The following MTERF4 variants were observed in gnomAD, a reference collection of about 807,000 sequenced individuals.
MTERF4 encodes the protein mitochondrial transcription termination factor 4, also known as transcription termination factor 4, mitochondrial.
In MTERF4, 17 loss-of-function variants were observed where a neutral mutation model predicts 22.5. The observed-to-expected ratio is 0.75, with a 90% CI of 0.52 to 1.13. MTERF4 has a LOEUF of 1.13. MTERF4 is among the 50% of genes most tolerant of loss of function. The pLI is 0.00. For missense variants in MTERF4, 420 were observed against 466.8 expected, an observed-to-expected ratio of 0.90 and a Z score of 0.92; for synonymous variants, 165 against 175.3, an observed-to-expected ratio of 0.94 and a Z score of 0.47.
At chr2:241,098,267 C>T (rs375662558) in intron 2 of MTERF4, among the ~76,000 whole-genome samples, 1 of 152,170 alleles carries the variant, frequency 6.6e-6, no homozygotes, top group African/African-American at 2.4e-5. Context: ...TATATTTAGA[C>T]TTTTAGATTA....
chr2:241,071,693 C>A (rs1401534610), downstream of MTERF4: 3 of 1,516,508 alleles, frequency 2.0e-6, no homozygotes, highest in African/African-American at 1.4e-5. Context: ...GACCACAGCG[C>A]CCCCGAGACC....
chr2:241,070,371 C>A (rs1028483749), downstream of MTERF4, among the ~76,000 whole-genome samples: 1 of 152,186 alleles, frequency 6.6e-6, no homozygotes, highest in Admixed American at 6.5e-5. Flanking sequence ...CTTTTCAAAC[C>A]CACAAGGAAA....
At chr2:241,095,276 G>A, downstream of MTERF4, 1 of 152,890 alleles carries the variant, frequency 6.5e-6, no homozygotes. Flanking sequence ...CAGACTACAG[G>A]GCCGGAGACA....
the MTERF4 span, chr2:241,062,691 A>G: frequency 1.3e-6 from 1 of 790,598 alleles, no homozygotes; most frequent in Non-Finnish European, 2.2e-6. Context: ...CTGATGATGT[A>G]TCATCGAATT....
chr2:241,065,811 G>A, the MTERF4 span, among the ~76,000 whole-genome samples: 1 of 152,212 alleles, frequency 6.6e-6, no homozygotes, highest in Non-Finnish European at 1.5e-5. Flanking sequence ...CATGGGATTG[G>A]GGCGCATAGA....
At chr2:241,061,814 C>T in the MTERF4 span, among the ~76,000 whole-genome samples, 1 of 150,470 alleles carries the variant, frequency 6.6e-6, no homozygotes, top group Non-Finnish European at 1.5e-5. Context: ...GATCATGCCA[C>T]TGCACTCCAG....
intron 4 of MTERF4, among the ~76,000 whole-genome samples, chr2:241,078,008 C>T (rs2063110346): frequency 6.6e-6 from 1 of 152,154 alleles, no homozygotes. Flanking sequence ...CCTATGTCCA[C>T]ATGAGGTCCT....
the MTERF4 span, among the ~76,000 whole-genome samples, chr2:241,052,687 CGGCGGGGGGGG>C: frequency 0.073 from 123 of 1,686 alleles, 12 homozygotes; most frequent in Admixed American, 0.23. Context: ...GTGAGAGGGT[CGGCGGGGGGGG>C]GGGGGGTCAA....
chr2:241,061,092 A>T, the MTERF4 span, among the ~76,000 whole-genome samples: 199 of 152,312 alleles, frequency 1.3e-3, 2 homozygotes, highest in African/African-American at 4.5e-3. Context: ...AAATCCATAA[A>T]CCTTAAGAAA....
downstream of MTERF4, among the ~76,000 whole-genome samples, chr2:241,086,510 C>T (rs2063583711): frequency 6.6e-6 from 1 of 152,240 alleles, no homozygotes; most frequent in Non-Finnish European, 1.5e-5. Flanking sequence ...GACCACAGGA[C>T]TCATCTCATC....
chr2:241,063,458 A>T, the MTERF4 span: 2 of 704,996 alleles, frequency 2.8e-6, no homozygotes, highest in Non-Finnish European at 5.2e-6. Flanking sequence ...GAAAAAGCAC[A>T]TGTCCTGAGT....
the MTERF4 span, among the ~76,000 whole-genome samples, chr2:241,057,885 T>C: frequency 2.6e-5 from 4 of 152,184 alleles, no homozygotes; most frequent in Admixed American, 1.3e-4. Flanking sequence ...GGGAGAGTTA[T>C]CAGATTTCAT....
chr2:241,094,788 A>C (rs968709436), downstream of MTERF4: 1 of 168,312 alleles, frequency 5.9e-6, no homozygotes, highest in African/African-American at 2.4e-5. The surrounding 1 kb of genome is among the most constrained non-coding windows in gnomAD (Gnocchi z 4.3). Flanking sequence ...AGATCCTAGG[A>C]TCTAGTTGAT....
chr2:241,051,076 C>A, the MTERF4 span, among the ~76,000 whole-genome samples: 1 of 152,182 alleles, frequency 6.6e-6, no homozygotes, highest in Non-Finnish European at 1.5e-5. The surrounding 1 kb of genome is among the most constrained non-coding windows in gnomAD (Gnocchi z 4.7). Context: ...GGATGGCTGG[C>A]AGGAGAGGAG....
downstream of MTERF4, among the ~76,000 whole-genome samples, chr2:241,085,697 ATTTG>A (rs147128440): frequency 0.023 from 3,466 of 151,694 alleles, 119 homozygotes; most frequent in African/African-American, 0.077. Flanking sequence ...CTGACGCTGG[ATTTG>A]TTTGTTTGTT....
rs1039361628 is a variant in MTERF4 at position 241,078,212 on chromosome 2, G to A, written n.480-2530C>T. Among the ~76,000 whole-genome samples the A allele has an allele frequency of 2.2e-4, 33 of 151,286 alleles. 1 individual carries two copies. The highest frequency in any genetic ancestry group is 6.6e-4 in the Admixed American group (10 of 15,220). On this transcript the variant is annotated intron_variant and non_coding_transcript_variant, in intron 4 of 4. Coordinates refer to the MTERF4 transcript ENST00000464344. ...AGTCTGGCCAACGCGGTGAAACCCC[G>A]TCTCTACTAAAAATACAAAAATTAG...
At chr2:241,087,084 C>T (rs1282039168), downstream of MTERF4, 4 of 289,690 alleles carry the variant, frequency 1.4e-5, no homozygotes, top group African/African-American at 2.2e-5. Flanking sequence ...CTGCCTCTAG[C>T]ACTGACATGT....
At chr2:241,049,878 C>T in the MTERF4 span, 14 of 1,613,748 alleles carry the variant, frequency 8.7e-6, no homozygotes, top group South Asian at 7.7e-5. Flanking sequence ...ATGCCCATGA[C>T]GACTCCTACA....
Position 241,097,240 on chromosome 2 carries a change from C to A in MTERF4, c.705+3G>T. Reference sequence around the variant, plus strand: ...CGCTAATCACGCTATCAGTCATTCTCACCTGAAACTTGTATTCCAGTTGAC... The same window carrying A: ...CGCTAATCACGCTATCAGTCATTCTAACCTGAAACTTGTATTCCAGTTGAC... On this transcript the variant is annotated splice_donor_region_variant and intron_variant, in intron 3 of 3. Transcript: ENST00000391980. 1 of 1,613,624 alleles carries A rather than the reference C, an allele frequency of 6.2e-7. No individual in the cohort carries two copies. Among genetic ancestry groups the A allele is most frequent in the East Asian group, 2.2e-5 (1 of 44,878 alleles).
Sources: gnomAD v4.1 joint callset for allele counts (sites outside exome capture counted in the v4.1 genomes callset) on GRCh38, gnomAD v4.1.1 for gene constraint, Gnocchi (gnomAD v3.1) non-coding constraint, MANE v1.5 for transcripts, NCBI Gene and HGNC (gene_info 2026-07-23, HGNC 2026-07-21) for gene names.